Variants in PDE3B observed in about 807,000 individuals in gnomAD.
The protein encoded by PDE3B is phosphodiesterase 3B, also known as cGMP-inhibited 3',5'-cyclic phosphodiesterase 3B.
In PDE3B, 66 loss-of-function variants were observed where a neutral mutation model predicts 116.8. The observed-to-expected ratio is 0.56, with a 90% CI of 0.46 to 0.69. The LOEUF is 0.69. Among genes scored for constraint, PDE3B ranks in the 30% least tolerant of loss-of-function variants. The pLI is 0.00. For synonymous variants in PDE3B, 595 were observed against 533.6 expected, an observed-to-expected ratio of 1.12 and a Z score of -1.59; for missense variants, 1,384 against 1,368.1, an observed-to-expected ratio of 1.01 and a Z score of -0.18.
At chr11:14,803,819 G>A in intron 4 of PDE3B, 125 bp from the exon 5 acceptor site, 1 of 621,606 alleles carries the variant, frequency 1.6e-6, no homozygotes, top group Non-Finnish European at 2.8e-6. Context: ...TTAGGCCTTA[G>A]GCACTAGAGG....
intron 1 of PDE3B, among the ~76,000 whole-genome samples, chr11:14,769,243 TTGTAA>T (rs1039816531): frequency 5.9e-5 from 9 of 151,422 alleles, no homozygotes; most frequent in Non-Finnish European, 1.0e-4. Flanking sequence ...TACTACAATA[TTGTAA>T]TGTACAATAT....
intron 1 of PDE3B, among the ~76,000 whole-genome samples, chr11:14,722,789 A>G (rs1215408455): frequency 6.6e-6 from 1 of 152,174 alleles, no homozygotes; most frequent in Non-Finnish European, 1.5e-5. Flanking sequence ...ACCCACAGAA[A>G]CTGAGATAAA....
rs1190479025 is a variant in PDE3B, at chr11:14,644,899, A to C, written c.824A>C (p.His275Pro). 2 of 1,614,014 alleles carry C rather than the reference A, an allele frequency of 1.2e-6. No homozygotes were observed. Among genetic ancestry groups the C allele is most frequent in the Non-Finnish European group, 1.7e-6 (2 of 1,180,014 alleles). ...TTTCAAATCAGGGAAGCGCCTCTTC[A>C]TCCTCGACTGTCCAGTGCCGCCGAA... ...HFFQIREAPL[H>P]PRLSSAAEEK... The change falls in exon 1 of 16, where the codon CAT (histidine) becomes CCT (proline). Residue 275 changes from histidine to proline, a missense_variant. His to Pro is a moderately conservative substitution (Grantham distance 77, BLOSUM62 -2). Transcript: ENST00000282096.
intron 11 of PDE3B, among the ~76,000 whole-genome samples, chr11:14,838,451 A>G (rs943708216): frequency 6.6e-6 from 1 of 152,188 alleles, no homozygotes; most frequent in African/African-American, 2.4e-5. Flanking sequence ...AATCAAAAAG[A>G]GATCATTTGG....
intron 1 of PDE3B, among the ~76,000 whole-genome samples, chr11:14,711,677 C>G (rs1855706996): frequency 6.6e-6 from 1 of 152,136 alleles, no homozygotes; most frequent in Admixed American, 6.5e-5. Context: ...GCCCCCATGA[C>G]CTAAACCCCT....
At chr11:14,849,873 C>G (rs1847703636) in intron 12 of PDE3B, among the ~76,000 whole-genome samples, 1 of 151,278 alleles carries the variant, frequency 6.6e-6, no homozygotes, top group South Asian at 2.1e-4. Context: ...AATAGGAACA[C>G]TTTTACACTG....
intron 4 of PDE3B, among the ~76,000 whole-genome samples, chr11:14,797,930 C>G (rs1858607411): frequency 6.6e-6 from 1 of 152,154 alleles, no homozygotes; most frequent in Non-Finnish European, 1.5e-5. Flanking sequence ...ATTTCTTTCT[C>G]TTGCCCGATT....
chr11:14,807,797 A>C (rs1355809732), intron 5 of PDE3B, among the ~76,000 whole-genome samples: 3 of 152,190 alleles, frequency 2.0e-5, no homozygotes, highest in Admixed American at 1.3e-4. Context: ...TTGTAATCCC[A>C]GCACTTTGGG....
the PDE3B span, among the ~76,000 whole-genome samples, chr11:14,898,648 G>A: frequency 6.6e-6 from 1 of 152,150 alleles, no homozygotes; most frequent in Non-Finnish European, 1.5e-5. Context: ...GTTACACATT[G>A]AGCTGGTGGC....
intron 11 of PDE3B, among the ~76,000 whole-genome samples, chr11:14,840,232 A>G (rs1860180916): frequency 6.6e-6 from 1 of 152,234 alleles, no homozygotes; most frequent in African/African-American, 2.4e-5. Context: ...GTGTAAATAC[A>G]TGGAGTTTTG....
chr11:14,806,759 TG>T (rs1858941267), intron 5 of PDE3B, among the ~76,000 whole-genome samples: 1 of 142,054 alleles, frequency 7.0e-6, no homozygotes, highest in Admixed American at 7.5e-5. Context: ...TTTGGGAGGC[TG>T]AGGCAGGAGA....
At chr11:14,684,041 T>C (rs1590059840) in intron 1 of PDE3B, among the ~76,000 whole-genome samples, 1 of 152,348 alleles carries the variant, frequency 6.6e-6, no homozygotes, top group East Asian at 1.9e-4. Context: ...TTGTATGATT[T>C]CAATTCTCTG....
At chr11:14,822,552 A>G (rs1859554575) in intron 7 of PDE3B, among the ~76,000 whole-genome samples, 2 of 152,130 alleles carry the variant, frequency 1.3e-5, no homozygotes, top group African/African-American at 2.4e-5. Flanking sequence ...CTGGGGACCC[A>G]TGCTTCTCCC....
At chr11:14,837,384 A>G (rs542831186) in intron 11 of PDE3B, among the ~76,000 whole-genome samples, 10 of 152,308 alleles carry the variant, frequency 6.6e-5, no homozygotes, top group African/African-American at 2.4e-4. Flanking sequence ...TACTATAAAC[A>G]GTAAGAAACC....
intron 1 of PDE3B, among the ~76,000 whole-genome samples, chr11:14,693,522 G>A (rs1386032052): frequency 6.6e-6 from 1 of 152,104 alleles, no homozygotes; most frequent in African/African-American, 2.4e-5. Context: ...GAAAATCCTA[G>A]GGCCCTTAAG....
At chr11:14,809,760 G>A (rs1388687248) in intron 5 of PDE3B, among the ~76,000 whole-genome samples, 2 of 152,202 alleles carry the variant, frequency 1.3e-5, no homozygotes, top group African/African-American at 4.8e-5. Flanking sequence ...AGTGAAAAAA[G>A]TACCATCTGT....
chr11:14,722,382 C>T (rs1856143005), intron 1 of PDE3B, among the ~76,000 whole-genome samples: 1 of 151,522 alleles, frequency 6.6e-6, no homozygotes, highest in East Asian at 1.9e-4. Flanking sequence ...TCTGTGTCAA[C>T]TGGCAGATAG....
chr11:14,849,402 A>T (rs899183650), intron 12 of PDE3B, among the ~76,000 whole-genome samples: 2 of 152,214 alleles, frequency 1.3e-5, no homozygotes, highest in Non-Finnish European at 2.9e-5. Flanking sequence ...AAACCTAGGC[A>T]TTACCATTCA....
intron 12 of PDE3B, among the ~76,000 whole-genome samples, chr11:14,858,830 T>G (rs575677238): frequency 6.6e-6 from 1 of 152,188 alleles, no homozygotes; most frequent in Admixed American, 6.5e-5. Context: ...GAGCTATGTA[T>G]GTTGGAAGGA....
Sources: allele counts gnomAD v4.1 joint callset (sites outside exome capture counted in the v4.1 genomes callset), GRCh38; gene constraint gnomAD v4.1.1; transcripts MANE v1.5; gene names NCBI Gene and HGNC (gene_info 2026-07-23, HGNC 2026-07-21).